The following EYS variants were observed in gnomAD, a reference collection of about 807,000 sequenced individuals.
EYS encodes protein eyes shut homolog.
A neutral mutation model predicts 282.1 loss-of-function variants in EYS; 250 were observed. The observed-to-expected ratio is 0.89, with a 90% CI of 0.80 to 0.98. The LOEUF is 0.98. EYS is among the 50% of genes least tolerant of loss of function. The pLI is 0.00. For missense variants in EYS, 4,016 were observed against 3,709.0 expected (o/e 1.08, Z -2.15); for synonymous variants, 1,355 against 1,282.9 (o/e 1.06, Z -1.20).
chr6:64,646,071 A>G (rs1385390890), intron 22 of EYS, among the ~76,000 whole-genome samples: 12 of 152,218 alleles, frequency 7.9e-5, no homozygotes, highest in Admixed American at 7.9e-4. Context: ...TGGGGATCCT[A>G]AATTCTCAGG....
chr6:64,865,970 C>A (rs1348037344), intron 19 of EYS, among the ~76,000 whole-genome samples: 2 of 151,912 alleles, frequency 1.3e-5, no homozygotes, highest in African/African-American at 4.8e-5. Context: ...GAACAGAAAT[C>A]AGAAATTTTA....
At chr6:64,125,177 G>GCGCGCGCGCTCTCTCTCTCTCTCTCTCT (rs1562213606) in intron 31 of EYS, among the ~76,000 whole-genome samples, 7 of 134,324 alleles carry the variant, frequency 5.2e-5, no homozygotes, top group African/African-American at 2.0e-4. Context: ...TCTCTCTCTC[G>GCGCGCGCGCTCTCTCTCTCTCTCTCTCT]CTCTCTCTCT....
At chr6:64,830,283 T>C (rs1052829912) in intron 19 of EYS, among the ~76,000 whole-genome samples, 1 of 151,922 alleles carries the variant, frequency 6.6e-6, no homozygotes, top group African/African-American at 2.4e-5. Flanking sequence ...CTGTTATTTA[T>C]AAGCTACCCA....
chr6:63,940,759 G>A (rs1052669783), intron 35 of EYS, among the ~76,000 whole-genome samples: 2 of 150,576 alleles, frequency 1.3e-5, no homozygotes, highest in African/African-American at 2.5e-5. Context: ...ATGTATAAAT[G>A]TGCCATGTTG....
intron 13 of EYS, among the ~76,000 whole-genome samples, chr6:65,006,701 A>G (rs1037390724): frequency 3.9e-5 from 6 of 152,190 alleles, no homozygotes; most frequent in African/African-American, 1.4e-4. Context: ...TCCCTTCAGG[A>G]CAGGATGATA....
intron 5 of EYS, among the ~76,000 whole-genome samples, chr6:65,461,378 T>C (rs956611478): frequency 2.0e-5 from 3 of 152,142 alleles, no homozygotes; most frequent in Non-Finnish European, 4.4e-5. Context: ...CCTGAGGCTA[T>C]AGATGACACC....
intron 22 of EYS, 112 bp downstream of exon 22, chr6:64,813,266 T>TA: frequency 1.4e-6 from 1 of 708,962 alleles, no homozygotes; most frequent in Non-Finnish European, 2.2e-6. Flanking sequence ...ATATATAAGG[T>TA]AAAATCTTAC....
chr6:65,040,835 G>C (rs1457445884), intron 13 of EYS, among the ~76,000 whole-genome samples: 3 of 151,746 alleles, frequency 2.0e-5, no homozygotes, highest in Non-Finnish European at 4.4e-5. Context: ...AGCTGATCAA[G>C]TGGGATGATA....
chr6:63,839,324 TG>T (rs1370706532), intron 36 of EYS, among the ~76,000 whole-genome samples: 1 of 152,208 alleles, frequency 6.6e-6, no homozygotes, highest in Non-Finnish European at 1.5e-5. Context: ...TTTATCTTTC[TG>T]TTCCTGGCTT....
chr6:65,597,265 T>C (rs917988137), intron 2 of EYS, among the ~76,000 whole-genome samples: 2 of 152,058 alleles, frequency 1.3e-5, no homozygotes, highest in African/African-American at 2.4e-5. Context: ...GAAACAGCAT[T>C]TCCTACCTTC....
intron 2 of EYS, among the ~76,000 whole-genome samples, chr6:65,612,620 TA>T (rs1452658292): frequency 6.6e-6 from 1 of 151,750 alleles, no homozygotes; most frequent in Non-Finnish European, 1.5e-5. Context: ...CATTCTACAA[TA>T]TGAAATGTTA....
In EYS at chr6:64,912,803, A is replaced by G. The variant is rs751332162; in HGVS notation, c.2382-60T>C. On this transcript the variant is annotated intron_variant, in intron 15 of 42. Transcript: ENST00000503581. ...ACTCTTTTTCAAGTTTATTTTTTGT[A>G]TTTTTAATTACTCCCTTGAACTAAT... The G allele has an allele frequency of 6.0e-5, 66 of 1,102,606 alleles. 1 individual carries two copies. Among genetic ancestry groups the G allele is most frequent in the Non-Finnish European group, 5.4e-5 (44 of 821,794 alleles). The allele number at this position is 1,102,606 out of a possible 1,614,324, so 68.3% of individuals were successfully genotyped here. A position where few individuals can be genotyped will look rare whatever the true frequency, so the allele number is the denominator to read the frequency against.
chr6:64,982,124 A>C (rs1562285903), intron 14 of EYS, among the ~76,000 whole-genome samples: 2 of 151,418 alleles, frequency 1.3e-5, no homozygotes, highest in Admixed American at 1.3e-4. Context: ...AAATGTAAAT[A>C]TAATGATTCA....
intron 41 of EYS, among the ~76,000 whole-genome samples, chr6:63,731,683 A>C (rs1310275064): frequency 6.6e-6 from 1 of 152,114 alleles, no homozygotes; most frequent in African/African-American, 2.4e-5. Flanking sequence ...CCTTTAACTT[A>C]TGTGGCTCAT....
At chr6:65,173,970 G>A (rs1187401816) in intron 12 of EYS, among the ~76,000 whole-genome samples, 1 of 150,986 alleles carries the variant, frequency 6.6e-6, no homozygotes, top group African/African-American at 2.4e-5. Context: ...CGTATATATA[G>A]CTTTTTTCTT....
chr6:64,700,368 T>A (rs895859489), intron 22 of EYS, among the ~76,000 whole-genome samples: 1 of 152,034 alleles, frequency 6.6e-6, no homozygotes, highest in African/African-American at 2.4e-5. Context: ...ACCATAGAAC[T>A]AGAAGTCTTA....
At chr6:65,648,328 G>A (rs1404417439) in intron 1 of EYS, among the ~76,000 whole-genome samples, 2 of 151,842 alleles carry the variant, frequency 1.3e-5, no homozygotes, top group Admixed American at 6.6e-5. Context: ...GTGTGTGTGT[G>A]TGTGTGTGTG....
chr6:64,519,990 C>A (rs1026285656), intron 26 of EYS, among the ~76,000 whole-genome samples: 2 of 151,798 alleles, frequency 1.3e-5, no homozygotes, highest in Non-Finnish European at 2.9e-5. Context: ...AGAAACCGTA[C>A]TTCTACCAGA....
chr6:64,177,172 A>G (rs1764662388), intron 31 of EYS, among the ~76,000 whole-genome samples: 2 of 151,698 alleles, frequency 1.3e-5, no homozygotes, highest in African/African-American at 2.4e-5. Context: ...CTCTATAACA[A>G]CTATAATTAA....
Sources: allele counts gnomAD v4.1 joint callset (sites outside exome capture counted in the v4.1 genomes callset), GRCh38; gene constraint gnomAD v4.1.1; transcripts MANE v1.5; gene names NCBI Gene and HGNC (gene_info 2026-07-23, HGNC 2026-07-21).